Variants in TDRKH observed in about 807,000 individuals in gnomAD.
The protein encoded by TDRKH is tudor and KH domain containing, also known as tudor and KH domain-containing protein.
Under a neutral mutation model 61.3 loss-of-function variants are expected in TDRKH, and 28 were observed. The observed-to-expected ratio is 0.46, with a 90% CI of 0.34 to 0.63. TDRKH has a LOEUF of 0.63. Ranked by LOEUF, TDRKH falls within the 20% of genes least tolerant of loss-of-function variation. TDRKH has a pLI of 0.01. For missense variants in TDRKH, 540 were observed against 683.4 expected (o/e 0.79, Z 2.34); for synonymous variants, 219 against 244.4 (o/e 0.90, Z 0.97).
chr1:151,781,640 A>G (rs567157891), intron 2 of TDRKH, 53 bp from the exon 3 acceptor site: 3 of 1,506,800 alleles, frequency 2.0e-6, no homozygotes, highest in Middle Eastern at 1.7e-4. Context: ...CAAAGCTAGT[A>G]TAACTACCAG....
At chr1:151,783,176 A>G in intron 1 of TDRKH, 127 bp from the exon 2 acceptor site, 1 of 770,346 alleles carries the variant, frequency 1.3e-6, no homozygotes, top group Non-Finnish European at 1.9e-6. Context: ...CAAGAGCTTC[A>G]GCAATTTCAA....
intron 1 of TDRKH, among the ~76,000 whole-genome samples, chr1:151,785,315 T>C (rs1558149768): frequency 6.6e-6 from 1 of 152,204 alleles, no homozygotes; most frequent in Admixed American, 6.5e-5. Context: ...TTGCTCTACC[T>C]TCAAATCATC....
At chr1:151,782,140 A>C (rs1050760668) in intron 2 of TDRKH, 1 of 375,482 alleles carries the variant, frequency 2.7e-6, no homozygotes, top group African/African-American at 2.1e-5. Flanking sequence ...TTCATTTCAT[A>C]GACTAGCTTA....
At chr1:151,767,508 G>A (rs1648406855), downstream of TDRKH, 6 of 1,074,348 alleles carry the variant, frequency 5.6e-6, no homozygotes, top group Non-Finnish European at 7.5e-6. Context: ...AATCAGGATT[G>A]GGAAAAGAGG....
intron 3 of TDRKH, among the ~76,000 whole-genome samples, chr1:151,781,109 A>G (rs1345252773): frequency 6.6e-6 from 1 of 151,418 alleles, no homozygotes; most frequent in African/African-American, 2.4e-5. Context: ...TGAGGTCAGG[A>G]GTTCGAGATC....
chr1:151,779,050 A>G (rs375487819), intron 5 of TDRKH, 44 bp from the exon 6 acceptor site: 369 of 1,612,132 alleles, frequency 2.3e-4, no homozygotes, highest in Non-Finnish European at 2.7e-4. Flanking sequence ...CCTGGGATAG[A>G]GTAAAAGGAT....
chr1:151,787,996 A>G lies in TDRKH; in HGVS notation c.-28+2384T>C, dbSNP rs1318636763. Among the ~76,000 whole-genome samples the G allele has an allele frequency of 2.0e-5, 3 of 148,660 alleles. No individual in the cohort carries two copies. The East Asian group carries it at 5.9e-4, about 29-fold the overall frequency. ...GCGAGAATTTGTCTCAAGGGGTTTA[A>G]AAAAAAAAAGTATAGGGCAAGATGT... is the stretch of plus-strand genomic sequence containing the variant. On this transcript the variant is annotated intron_variant, in intron 1 of 12. Coordinates refer to ENST00000368824, the MANE Select transcript of TDRKH (RefSeq NM_001083965.2).
chr1:151,777,845 G>C (rs1374880912), intron 6 of TDRKH, among the ~76,000 whole-genome samples: 1 of 150,114 alleles, frequency 6.7e-6, no homozygotes, highest in Non-Finnish European at 1.5e-5. Flanking sequence ...AGCCTCCCAA[G>C]TAGTTGGAAC....
At position 151,775,498 on chromosome 1, in the gene TDRKH, G is replaced by C; in HGVS notation, c.1328C>G (p.Thr443Ser). The part of the protein sequence containing the change: ...EEALDEFDRL[T>S]HCADWKPLVA... ...CAGAGGCTTCCAGTCAGCACAATGAGTGAGTCTATCAAACTCATCCAAAGC... is the reference window on the plus strand; with the variant it reads ...CAGAGGCTTCCAGTCAGCACAATGACTGAGTCTATCAAACTCATCCAAAGC... Residue 443 changes from threonine to serine, a missense_variant, in exon 10 of 13, where the codon ACT becomes AGT. Physicochemically the swap from Thr to Ser is moderately conservative, Grantham distance 58 (BLOSUM62 1). Coordinates refer to ENST00000368824, the MANE Select transcript of TDRKH (RefSeq NM_001083965.2). 6.2e-7 allele frequency: 1 copy of C among 1,614,036 alleles called. No individual in the cohort carries two copies. The highest frequency in any genetic ancestry group is 8.5e-7 in the Non-Finnish European group (1 of 1,180,000).
At chr1:151,783,746 C>T (rs1650060006) in intron 1 of TDRKH, 1 of 152,266 alleles carries the variant, frequency 6.6e-6, no homozygotes. Context: ...GTTTGGGCTT[C>T]TCATCCTGTG....
chr1:151,773,013 G>A (rs1648817802), downstream of TDRKH, among the ~76,000 whole-genome samples: 1 of 152,078 alleles, frequency 6.6e-6, no homozygotes, highest in Non-Finnish European at 1.5e-5. Flanking sequence ...ACAGGTGCCT[G>A]CCACCACGCC....
At chr1:151,771,382 G>GACCT, downstream of TDRKH, 3 of 1,388,856 alleles carry the variant, frequency 2.2e-6, no homozygotes, top group Non-Finnish European at 1.9e-6. Flanking sequence ...GACTGGAGTG[G>GACCT]GATATACACC....
intron 1 of TDRKH, among the ~76,000 whole-genome samples, chr1:151,787,322 G>A (rs1012887126): frequency 2.0e-5 from 3 of 152,154 alleles, no homozygotes; most frequent in African/African-American, 7.2e-5. Flanking sequence ...GGGTTCAAGC[G>A]ATTCTTCTGC....
At chr1:151,779,594 A>C (rs1020753025) in intron 4 of TDRKH, 7 of 386,698 alleles carry the variant, frequency 1.8e-5, no homozygotes, top group Non-Finnish European at 3.2e-5. Flanking sequence ...TAACAGCAGC[A>C]CTAAGCAATG....
chr1:151,774,592 C>T, intron 12 of TDRKH, 88 bp from the exon 13 acceptor site: 1 of 1,582,546 alleles, frequency 6.3e-7, no homozygotes, highest in Admixed American at 1.7e-5. Flanking sequence ...AAATGGACCT[C>T]TTGGTACTCA....
chr1:151,779,143 A>G lies in TDRKH; in HGVS notation c.521T>C (p.Ile174Thr). The G allele has an allele frequency of 2.5e-6, 4 of 1,614,132 alleles. No individual in the cohort carries two copies. The highest frequency in any genetic ancestry group is 2.5e-6 in the Non-Finnish European group (3 of 1,180,028). The change falls in exon 5 of 13, where the codon ATA becomes ACA. Residue 174 changes from isoleucine to threonine, a missense_variant. This residue lies in a region of TDRKH where 156 missense variants were observed against 218.0 expected (regional missense o/e 0.72). Transcript: ENST00000368824. ...SEGTLLLSRL[I>T]KISGTQKEVA... ...TTCCTTCTGTGTTCCTGAGATTTTT[A>G]TAAGTCTTGATAGTAGTAATGTCCC...
chr1:151,767,299 G>A (rs1571968301), downstream of TDRKH: 3 of 1,613,270 alleles, frequency 1.9e-6, no homozygotes, highest in South Asian at 1.1e-5. Flanking sequence ...AACTGTATTC[G>A]GTAAGTGGAC....
downstream of TDRKH, among the ~76,000 whole-genome samples, chr1:151,772,786 T>C (rs1302116267): frequency 6.6e-6 from 1 of 152,236 alleles, no homozygotes; most frequent in African/African-American, 2.4e-5. Flanking sequence ...GAGCTGCTCC[T>C]AGAATCCAGG....
At chr1:151,772,343 C>T (rs559421277), downstream of TDRKH, among the ~76,000 whole-genome samples, 7 of 152,238 alleles carry the variant, frequency 4.6e-5, no homozygotes, top group South Asian at 2.1e-4. Context: ...CTGCCCGCCT[C>T]GGCCTCCCAA....
Sources: gnomAD v4.1 joint callset for allele counts (sites outside exome capture counted in the v4.1 genomes callset) on GRCh38, gnomAD v4.1.1 for gene constraint, gnomAD v4.1.1 regional missense constraint, MANE v1.5 for transcripts, NCBI Gene and HGNC (gene_info 2026-07-23, HGNC 2026-07-21) for gene names.